ELP4: variants seen among roughly 807,000 people sequenced by gnomAD.
The protein encoded by ELP4 is elongator complex protein 4.
In ELP4, 51 loss-of-function variants were observed where a neutral mutation model predicts 48.9. That is an observed-to-expected ratio of 1.04 (90% CI 0.83 to 1.32). ELP4 has a LOEUF of 1.32. Among genes scored for constraint, ELP4 ranks in the 40% most tolerant of loss-of-function variants. The pLI, the probability that ELP4 is intolerant of heterozygous loss-of-function variation, is 0.00. For missense variants in ELP4, 519 were observed against 514.6 expected (o/e 1.01, Z -0.08); for synonymous variants, 210 against 189.2 (o/e 1.11, Z -0.90).
intron 3 of ELP4, among the ~76,000 whole-genome samples, chr11:31,577,071 T>A (rs1957296585): frequency 1.3e-5 from 2 of 151,420 alleles, no homozygotes; most frequent in South Asian, 4.2e-4. Flanking sequence ...GAAAGAAGAA[T>A]CAAATAGACA....
intron 4 of ELP4, among the ~76,000 whole-genome samples, chr11:31,598,503 C>CTTTTTTTTTTTTTTTTTTTTTTTTTTT (rs10702222): frequency 1.3e-5 from 1 of 77,740 alleles, no homozygotes; most frequent in Non-Finnish European, 2.2e-5. Context: ...TTTTCTTCTT[C>CTTTTTTTTTTTTTTTTTTTTTTTTTTT]TTTTTTTTTT....
intron 3 of ELP4, among the ~76,000 whole-genome samples, chr11:31,545,457 A>T (rs1387887198): frequency 2.0e-5 from 3 of 152,080 alleles, no homozygotes; most frequent in Non-Finnish European, 4.4e-5. Context: ...AGAAACAAAC[A>T]AAGCCTCCAA....
intron 3 of ELP4, among the ~76,000 whole-genome samples, chr11:31,582,497 G>A (rs913731280): frequency 1.3e-5 from 2 of 151,340 alleles, no homozygotes; most frequent in Non-Finnish European, 2.9e-5. Flanking sequence ...CTTATTTTTT[G>A]TGCACACATC....
chr11:31,760,890 T>C (rs938325187), intron 9 of ELP4, among the ~76,000 whole-genome samples: 2 of 152,214 alleles, frequency 1.3e-5, no homozygotes, highest in East Asian at 3.8e-4. Flanking sequence ...AATAATTCAC[T>C]GCTATTTCAA....
At chr11:31,750,460 C>CTT (rs947483355) in intron 9 of ELP4, among the ~76,000 whole-genome samples, 17 of 152,006 alleles carry the variant, frequency 1.1e-4, no homozygotes, top group African/African-American at 3.6e-4. Flanking sequence ...TTCCCTGTCA[C>CTT]GGTGGTCTTT....
intron 3 of ELP4, among the ~76,000 whole-genome samples, chr11:31,561,473 G>A (rs983001633): frequency 1.4e-4 from 22 of 151,738 alleles, no homozygotes; most frequent in South Asian, 4.2e-4. Context: ...ATGGAGTATC[G>A]CTCTGTTGCC....
chr11:31,656,389 T>G (rs1945433375), intron 9 of ELP4, among the ~76,000 whole-genome samples: 1 of 151,966 alleles, frequency 6.6e-6, no homozygotes, highest in African/African-American at 2.4e-5. Flanking sequence ...GAAGAGTAGA[T>G]TCATATTTGG....
chr11:31,546,573 C>G (rs1198092490), intron 3 of ELP4, among the ~76,000 whole-genome samples: 3 of 152,106 alleles, frequency 2.0e-5, no homozygotes, highest in Non-Finnish European at 4.4e-5. Flanking sequence ...TTAGACAGAT[C>G]AACGAGACAG....
chr11:31,552,669 T>A (rs1956871844), intron 3 of ELP4, among the ~76,000 whole-genome samples: 1 of 152,178 alleles, frequency 6.6e-6, no homozygotes, highest in Non-Finnish European at 1.5e-5. Context: ...TTGCTTGGCC[T>A]CCCTGTTTCT....
At chr11:31,631,329 A>T (rs1036422871) in intron 6 of ELP4, among the ~76,000 whole-genome samples, 3 of 152,132 alleles carry the variant, frequency 2.0e-5, no homozygotes, top group African/African-American at 4.8e-5. Flanking sequence ...ATGCATTCCA[A>T]ATTATGGCTT....
chr11:31,610,636 A>G (rs529796163), intron 5 of ELP4, among the ~76,000 whole-genome samples: 17 of 152,084 alleles, frequency 1.1e-4, no homozygotes, highest in Non-Finnish European at 2.4e-4. Flanking sequence ...CATTTCACTT[A>G]GGAGAGTGGC....
At chr11:31,698,312 C>T (rs1565117461) in intron 9 of ELP4, among the ~76,000 whole-genome samples, 1 of 151,922 alleles carries the variant, frequency 6.6e-6, no homozygotes, top group African/African-American at 2.4e-5. Context: ...TCTTTCAAAC[C>T]TTTTATGTTT....
intron 5 of ELP4, among the ~76,000 whole-genome samples, chr11:31,612,532 G>A (rs558542761): frequency 1.3e-4 from 20 of 152,028 alleles, no homozygotes; most frequent in Non-Finnish European, 2.4e-4. Context: ...AAGTTTAAAC[G>A]ATTAAAAACA....
At chr11:31,661,106 T>C (rs1945546280) in intron 9 of ELP4, among the ~76,000 whole-genome samples, 1 of 152,054 alleles carries the variant, frequency 6.6e-6, no homozygotes, top group Non-Finnish European at 1.5e-5. Context: ...TTCTTCTCTC[T>C]ATACTTGCAT....
chr11:31,775,027 A>G (rs1473463475), intron 9 of ELP4, among the ~76,000 whole-genome samples: 1 of 152,168 alleles, frequency 6.6e-6, no homozygotes, highest in Non-Finnish European at 1.5e-5. Context: ...GTTAGCACCT[A>G]CCCTGAAGTC....
chr11:31,509,929 A>AT lies in ELP4; in HGVS notation c.147dup (p.Ala50CysfsTer38), dbSNP rs1565026396. On this transcript the variant is annotated frameshift_variant, in exon 1 of 10. Transcript: ENST00000640961. LOFTEE classifies it high-confidence loss of function. ...CGACAGCGGCCCTCGACTGGTGTCC[A>AT]TTGCGGGCACGCGACCGTCGGTGCG... 1 of 1,613,848 alleles carries AT rather than the reference A, an allele frequency of 6.2e-7. No individual in the cohort carries two copies. The highest frequency in any genetic ancestry group is 1.7e-5 in the Admixed American group (1 of 60,020).
intron 3 of ELP4, among the ~76,000 whole-genome samples, chr11:31,576,353 C>A (rs2133964103): frequency 6.6e-6 from 1 of 152,290 alleles, no homozygotes; most frequent in Non-Finnish European, 1.5e-5. Context: ...GAGACTTTAA[C>A]ACCTGACTGT....
intron 3 of ELP4, among the ~76,000 whole-genome samples, chr11:31,577,853 A>G (rs1957313099): frequency 6.6e-6 from 1 of 152,214 alleles, no homozygotes; most frequent in Non-Finnish European, 1.5e-5. Flanking sequence ...GAATGGGCAA[A>G]AACTGGAAGC....
intron 3 of ELP4, among the ~76,000 whole-genome samples, chr11:31,546,862 G>C (rs1435100244): frequency 6.6e-6 from 1 of 152,148 alleles, no homozygotes; most frequent in Non-Finnish European, 1.5e-5. Context: ...TATGGAAACT[G>C]AACAACCTGC....
Sources: allele counts gnomAD v4.1 joint callset (sites outside exome capture counted in the v4.1 genomes callset), GRCh38; gene constraint gnomAD v4.1.1; transcripts MANE v1.5; gene names NCBI Gene and HGNC (gene_info 2026-07-23, HGNC 2026-07-21).